The following PPWD1 variants were observed in gnomAD, a reference collection of about 807,000 sequenced individuals.
The protein encoded by PPWD1 is peptidylprolyl isomerase domain and WD repeat containing 1, also known as peptidylprolyl isomerase domain and WD repeat-containing protein 1.
A neutral mutation model predicts 68.8 loss-of-function variants in PPWD1; 43 were observed. That is an observed-to-expected ratio of 0.62 (90% CI 0.49 to 0.81). The LOEUF (loss-of-function observed/expected upper bound fraction) is 0.81, where lower values mean the gene tolerates loss of function less well. Ranked by LOEUF, PPWD1 falls within the 30% of genes least tolerant of loss-of-function variation. The pLI is 0.00. For missense variants in PPWD1, 672 were observed against 804.8 expected (o/e 0.83, Z 2.00); for synonymous variants, 232 against 258.7 (o/e 0.90, Z 0.99).
chr5:65,576,030 C>A (rs1452824463), intron 5 of PPWD1, among the ~76,000 whole-genome samples: 2 of 152,124 alleles, frequency 1.3e-5, no homozygotes, highest in East Asian at 3.8e-4. Context: ...GATGGCTAGT[C>A]CAAACTGAGA....
chr5:65,581,190 A>T (rs974021757), intron 7 of PPWD1, among the ~76,000 whole-genome samples: 18 of 152,352 alleles, frequency 1.2e-4, no homozygotes, highest in African/African-American at 4.3e-4. Context: ...TTTCATTTAC[A>T]CCTTTCAAAA....
chr5:65,578,756 A>G (rs1013030943), intron 6 of PPWD1, among the ~76,000 whole-genome samples: 1 of 73,970 alleles, frequency 1.4e-5, no homozygotes, highest in African/African-American at 6.5e-5. Context: ...ACACACATAT[A>G]TGTGTATATA....
At chr5:65,571,690 C>G in intron 4 of PPWD1, 149 bp from the exon 5 acceptor site, 1 of 1,314,416 alleles carries the variant, frequency 7.6e-7, no homozygotes, top group South Asian at 1.6e-5. Context: ...TTAGCTGTTC[C>G]TCCCCATTCT....
intron 2 of PPWD1, among the ~76,000 whole-genome samples, chr5:65,568,763 ATATT>A (rs1752881231): frequency 6.6e-6 from 1 of 152,088 alleles, no homozygotes; most frequent in Non-Finnish European, 1.5e-5. Context: ...TCTAAATAAA[ATATT>A]TATATTTCAT....
At position 65,577,004 on chromosome 5, in the gene PPWD1, A is replaced by C; in HGVS notation, c.1095A>C (p.Glu365Asp). 1 of 1,614,148 alleles carries C rather than the reference A, an allele frequency of 6.2e-7. No homozygotes were observed. Among genetic ancestry groups the C allele is most frequent in the Non-Finnish European group, 8.5e-7 (1 of 1,179,994 alleles). Residue 365 changes from glutamate (E) to aspartate (D), a missense_variant, in exon 6 of 11, where the codon GAA becomes GAC. By Grantham distance (45) the Glu-to-Asp change is conservative. Transcript: ENST00000261308. ...GATTAATTAATATAGTTTTTGATGA[A>C]ACTGGACACTTCGTGCTGTATGGAA... Reference protein sequence around the residue: ...AVRLINIVFDETGHFVLYGTM... With the variant: ...AVRLINIVFDDTGHFVLYGTM...
intron 4 of PPWD1, chr5:65,570,334 T>C: frequency 4.5e-6 from 4 of 881,668 alleles, no homozygotes; most frequent in Non-Finnish European, 5.4e-6. Context: ...TTCAGTAATA[T>C]AGAATTGAGT....
At chr5:65,570,532 A>C (rs533759262) in intron 4 of PPWD1, 1 of 211,878 alleles carries the variant, frequency 4.7e-6, no homozygotes, top group East Asian at 1.8e-4. Context: ...CTTGAAAGTC[A>C]TAACAGTGTC....
In PPWD1 at chr5:65,563,364, C is replaced by T; in HGVS notation, c.54C>T (p.Asp18=). ...AGCAGAGACGTAGAAGGCGCCGGGA[C>T]CCGGAGGAACCGGAAAAAACAGAAC... The part of the protein sequence containing the change: ...DFQQRRRRRR[D]PEEPEKTELS... The change falls in exon 1 of 11, where the codon GAC becomes GAT. Residue 18 remains aspartate, a synonymous_variant. Coordinates refer to ENST00000261308, the MANE Select transcript of PPWD1 (RefSeq NM_015342.4). The T allele has an allele frequency of 6.2e-7, 1 of 1,614,060 alleles. No homozygotes were observed. The highest frequency in any genetic ancestry group is 1.3e-5 in the African/African-American group (1 of 75,008).
At chr5:65,579,186 G>A in intron 6 of PPWD1, 1 of 428,812 alleles carries the variant, frequency 2.3e-6, no homozygotes, top group Non-Finnish European at 3.6e-6. Context: ...CAAAGTGCTG[G>A]GATTACAGGT....
rs756254614 is a variant in PPWD1, at chr5:65,579,526, G to A, written c.1263G>A (p.Met421Ile). The A allele has an allele frequency of 3.6e-5, 58 of 1,611,002 alleles. No homozygotes were observed. The highest frequency in any genetic ancestry group is 4.7e-5 in the Non-Finnish European group (55 of 1,178,942). The part of the protein sequence containing the change: ...KKHRAATTIE[M>I]KASENPVLQN... ...ATCGTGCTGCAACTACTATAGAAAT[G>A]AAAGCTTCTGAAAATCCTGTTCTTC... Residue 421 changes from methionine to isoleucine, a missense_variant, in exon 7 of 11, where the codon ATG becomes ATA. By Grantham distance (10) the Met-to-Ile change is conservative. Transcript: ENST00000261308.
At chr5:65,580,947 CTCT>C (rs1177983111) in intron 7 of PPWD1, among the ~76,000 whole-genome samples, 2 of 152,194 alleles carry the variant, frequency 1.3e-5, no homozygotes, top group African/African-American at 2.4e-5. Context: ...TGACGCTGTG[CTCT>C]TCTTCTGAAG....
chr5:65,586,229 T>C, intron 10 of PPWD1, 48 bp downstream of exon 10: 1 of 1,541,568 alleles, frequency 6.5e-7, no homozygotes, highest in South Asian at 1.2e-5. Flanking sequence ...TAGGTTATGA[T>C]GTAAGAGAGT....
chr5:65,573,477 T>TATATA (rs1561725705), intron 5 of PPWD1, among the ~76,000 whole-genome samples: 1 of 20,144 alleles, frequency 5.0e-5, no homozygotes, highest in African/African-American at 2.3e-4. Flanking sequence ...ATATATATAT[T>TATATA]TTTTTTTTAT....
chr5:65,576,692 G>C, intron 5 of PPWD1, 187 bp from the exon 6 acceptor site: 1 of 843,250 alleles, frequency 1.2e-6, no homozygotes, highest in Non-Finnish European at 1.4e-6. Flanking sequence ...CTATTTTTTA[G>C]TGATTGGACT....
rs1314861563 is a variant in PPWD1 at position 65,563,390 on chromosome 5, T to G, written c.80T>G (p.Leu27Arg). 2 of 1,614,016 alleles carry G rather than the reference T, an allele frequency of 1.2e-6. No individual in the cohort carries two copies. Among genetic ancestry groups the G allele is most frequent in the Admixed American group, 3.3e-5 (2 of 60,018 alleles). ...CCGGAGGAACCGGAAAAAACAGAAC[T>G]CAGCGAAAGAGAGCTGGCAGTAGCA... ...RDPEEPEKTE[L>R]SERELAVAVA... The change falls in exon 1 of 11, where the codon CTC becomes CGC. Residue 27 changes from leucine (L) to arginine (R), a missense_variant. Leu to Arg is a moderately radical substitution (Grantham distance 102). Coordinates refer to ENST00000261308, the MANE Select transcript of PPWD1 (RefSeq NM_015342.4).
intron 10 of PPWD1, 35 bp from the exon 11 acceptor site, chr5:65,587,218 G>T (rs1753887068): frequency 1.9e-6 from 3 of 1,568,844 alleles, no homozygotes; most frequent in Non-Finnish European, 2.6e-6. Flanking sequence ...AGAAATTGGG[G>T]TTTACCAAGA....
chr5:65,581,480 G>T (rs1753591908), intron 7 of PPWD1, among the ~76,000 whole-genome samples: 1 of 152,130 alleles, frequency 6.6e-6, no homozygotes, highest in South Asian at 2.1e-4. Context: ...CAGCCATGCT[G>T]GAAGCTGATG....
chr5:65,572,905 A>G (rs1753078694), intron 5 of PPWD1, among the ~76,000 whole-genome samples: 1 of 152,100 alleles, frequency 6.6e-6, no homozygotes, highest in Non-Finnish European at 1.5e-5. Flanking sequence ...ACCTGTATTT[A>G]TTCTGGCTTC....
intron 6 of PPWD1, 129 bp downstream of exon 6, chr5:65,577,198 C>T: frequency 7.3e-7 from 1 of 1,362,582 alleles, no homozygotes. Flanking sequence ...TAAACTTAAC[C>T]AAATGTTTTG....
Sources: allele counts gnomAD v4.1 joint callset (sites outside exome capture counted in the v4.1 genomes callset), GRCh38; gene constraint gnomAD v4.1.1; transcripts MANE v1.5; gene names NCBI Gene and HGNC (gene_info 2026-07-23, HGNC 2026-07-21).